The following ADGRL3 variants were observed in gnomAD, a reference collection of about 807,000 sequenced individuals.
The protein encoded by ADGRL3 is adhesion G protein-coupled receptor L3, also known as calcium-independent alpha-latrotoxin receptor 3.
A neutral mutation model predicts 153.5 loss-of-function variants in ADGRL3; 62 were observed. The ratio of observed to expected loss-of-function variants is 0.40; its 90% CI spans 0.33 to 0.50. The LOEUF (loss-of-function observed/expected upper bound fraction) is 0.50. Ranked by LOEUF, ADGRL3 falls within the 20% of genes least tolerant of loss-of-function variation. The pLI, the probability that ADGRL3 is intolerant of heterozygous loss-of-function variation, is 0.47. For synonymous variants in ADGRL3, 710 were observed against 672.5 expected, an observed-to-expected ratio of 1.06 and a Z score of -0.86; for missense variants, 1,641 against 1,859.4, an observed-to-expected ratio of 0.88 and a Z score of 2.16.
chr4:61,587,501 G>T, intron 5 of ADGRL3, 61 bp downstream of exon 5: 1 of 1,201,022 alleles, frequency 8.3e-7, no homozygotes. Context: ...ATCAATCTGT[G>T]TTACATGTTA....
At chr4:61,347,070 G>A (rs763699398) in intron 1 of ADGRL3, among the ~76,000 whole-genome samples, 1 of 152,032 alleles carries the variant, frequency 6.6e-6, no homozygotes, top group Non-Finnish European at 1.5e-5. Flanking sequence ...TAAGTGTATA[G>A]AATGTTAGAG....
intron 4 of ADGRL3, among the ~76,000 whole-genome samples, chr4:61,536,259 T>C (rs2098655257): frequency 6.6e-6 from 1 of 152,104 alleles, no homozygotes; most frequent in African/African-American, 2.4e-5. Flanking sequence ...TTGATATTAT[T>C]TCAATTCTTT....
intron 9 of ADGRL3, among the ~76,000 whole-genome samples, chr4:61,851,324 C>G (rs2098199828): frequency 6.6e-6 from 1 of 152,092 alleles, no homozygotes; most frequent in South Asian, 2.1e-4. Context: ...CAGTGACTCA[C>G]ACCTGTGATC....
chr4:61,915,344 C>T (rs2098740655), intron 13 of ADGRL3, among the ~76,000 whole-genome samples: 1 of 149,502 alleles, frequency 6.7e-6, no homozygotes, highest in Admixed American at 6.7e-5. Context: ...ATGACCTATA[C>T]TCTAAGTGAA....
At chr4:61,699,699 T>C (rs2095712687) in intron 6 of ADGRL3, among the ~76,000 whole-genome samples, 1 of 152,196 alleles carries the variant, frequency 6.6e-6, no homozygotes, top group Non-Finnish European at 1.5e-5. Context: ...AACCACATGT[T>C]CAGTGATTCT....
chr4:62,001,480 T>G (rs569904740), intron 21 of ADGRL3, among the ~76,000 whole-genome samples: 7 of 152,316 alleles, frequency 4.6e-5, no homozygotes, highest in African/African-American at 1.7e-4. Context: ...AAGGAAGGTA[T>G]CTCCAGAAAA....
In ADGRL3 at chr4:61,529,134, C is replaced by A. The variant is rs140595441; in HGVS notation, c.259+11616C>A. 2.4e-3 allele frequency among the ~76,000 whole-genome samples: 372 copies of A among 152,174 alleles called. 1 individual carries two copies. The highest frequency in any genetic ancestry group is 8.5e-3 in the African/African-American group (352 of 41,508). ...GGTCTTTTCATGTTTTTCTAAGTGA[C>A]AGTCTTACTTGTTCCATTCTTGTTA... On this transcript the variant is annotated intron_variant, in intron 4 of 26. Transcript: ENST00000683033.
At chr4:61,589,595 A>G (rs1460793103) in intron 5 of ADGRL3, among the ~76,000 whole-genome samples, 1 of 152,042 alleles carries the variant, frequency 6.6e-6, no homozygotes, top group Non-Finnish European at 1.5e-5. Flanking sequence ...AAACTTCTAG[A>G]AAGAGACTAT....
intron 8 of ADGRL3, among the ~76,000 whole-genome samples, chr4:61,749,281 C>T (rs1001984404): frequency 2.6e-5 from 4 of 151,578 alleles, no homozygotes; most frequent in African/African-American, 9.8e-5. Context: ...ACTAGTTCAA[C>T]CATCGTGGAA....
chr4:61,213,592 C>G (rs1203159914), intron 1 of ADGRL3, among the ~76,000 whole-genome samples: 2 of 152,024 alleles, frequency 1.3e-5, no homozygotes, highest in African/African-American at 4.8e-5. Flanking sequence ...TTATGTCATA[C>G]TTAATTTTTG....
At chr4:62,065,918 A>G (rs6816190) in intron 25 of ADGRL3, among the ~76,000 whole-genome samples, 1,622 of 152,106 alleles carry the variant, frequency 0.011, 33 homozygotes, top group African/African-American at 0.037. Flanking sequence ...ATGACTGGTT[A>G]TTGCTACTTG....
intron 1 of ADGRL3, among the ~76,000 whole-genome samples, chr4:61,332,068 G>A (rs1048071217): frequency 6.6e-6 from 1 of 152,028 alleles, no homozygotes; most frequent in African/African-American, 2.4e-5. Flanking sequence ...TCAAATGTAG[G>A]AGGTGATCAC....
intron 8 of ADGRL3, among the ~76,000 whole-genome samples, chr4:61,746,961 C>G (rs1035356170): frequency 6.6e-6 from 1 of 151,882 alleles, no homozygotes; most frequent in African/African-American, 2.4e-5. Context: ...AGACTGCCAG[C>G]AAGACTAATA....
intron 2 of ADGRL3, among the ~76,000 whole-genome samples, chr4:61,482,293 C>G (rs2098139398): frequency 6.6e-6 from 1 of 152,160 alleles, no homozygotes. Flanking sequence ...TCAGTCATCA[C>G]TGTGAAATTT....
intron 3 of ADGRL3, among the ~76,000 whole-genome samples, chr4:61,513,135 C>T (rs1331233070): frequency 6.6e-6 from 1 of 152,048 alleles, no homozygotes; most frequent in Admixed American, 6.6e-5. Context: ...AGAGTCCCAG[C>T]TCACTGTTAT....
At chr4:61,874,787 CTCTT>C (rs1321506976) in intron 9 of ADGRL3, among the ~76,000 whole-genome samples, 2,156 of 88,548 alleles carry the variant, frequency 0.024, 309 homozygotes, top group East Asian at 0.15. Context: ...CATCAAAATG[CTCTT>C]TTTTTTTTTT....
chr4:61,654,768 G>T (rs1481750215), intron 5 of ADGRL3, among the ~76,000 whole-genome samples: 1 of 151,872 alleles, frequency 6.6e-6, no homozygotes, highest in African/African-American at 2.4e-5. Context: ...GTGATGGCAG[G>T]TGCCTGTAAT....
At chr4:61,423,461 A>G (rs1334714741) in intron 2 of ADGRL3, among the ~76,000 whole-genome samples, 5 of 152,222 alleles carry the variant, frequency 3.3e-5, no homozygotes, top group African/African-American at 4.8e-5. Context: ...CTTCAGAGCT[A>G]TTGAACATTG....
chr4:61,847,248 G>A (rs574377409), intron 9 of ADGRL3, among the ~76,000 whole-genome samples: 1 of 151,744 alleles, frequency 6.6e-6, no homozygotes, highest in Admixed American at 6.6e-5. Context: ...ATTCATGATT[G>A]TATCCTTAAG....
Sources: gnomAD v4.1 joint callset for allele counts (sites outside exome capture counted in the v4.1 genomes callset) on GRCh38, gnomAD v4.1.1 for gene constraint, MANE v1.5 for transcripts, NCBI Gene and HGNC (gene_info 2026-07-23, HGNC 2026-07-21) for gene names.